Variants in PLEKHA6 observed in about 807,000 individuals in gnomAD.
The protein encoded by PLEKHA6 is pleckstrin homology domain containing A6, also known as pleckstrin homology domain-containing family A member 6.
PLEKHA6 carries 60 observed loss-of-function variants against 116.7 expected under a neutral mutation model. That is an observed-to-expected ratio of 0.51 (90% CI 0.42 to 0.64). The LOEUF (loss-of-function observed/expected upper bound fraction) is 0.64, where lower values mean the gene tolerates loss of function less well. Ranked by LOEUF, PLEKHA6 falls within the 30% of genes least tolerant of loss-of-function variation. PLEKHA6 has a pLI of 0.00. For missense variants in PLEKHA6, 1,338 were observed against 1,422.7 expected (o/e 0.94, Z 0.96); for synonymous variants, 489 against 556.1 (o/e 0.88, Z 1.70).
intron 3 of PLEKHA6, 22 bp downstream of exon 3, chr1:204,273,604 T>C (rs951207066): frequency 3.9e-6 from 6 of 1,530,436 alleles, no homozygotes; most frequent in Non-Finnish European, 5.4e-6. Context: ...GCCCAACAGC[T>C]TGCCTTGAGG....
intron 1 of PLEKHA6, among the ~76,000 whole-genome samples, chr1:204,335,298 A>T (rs921584743): frequency 6.6e-6 from 1 of 151,884 alleles, no homozygotes; most frequent in African/African-American, 2.4e-5. Flanking sequence ...GCAGCTGGGC[A>T]GGGGGGTGTT....
At chr1:204,246,137 C>T (rs1663636006) in intron 13 of PLEKHA6, among the ~76,000 whole-genome samples, 1 of 152,200 alleles carries the variant, frequency 6.6e-6, no homozygotes, top group Non-Finnish European at 1.5e-5. Flanking sequence ...TACCCACTCC[C>T]AGCGTACGCC....
intron 1 of PLEKHA6, among the ~76,000 whole-genome samples, chr1:204,343,907 A>G (rs963489092): frequency 6.6e-6 from 1 of 152,214 alleles, no homozygotes; most frequent in Non-Finnish European, 1.5e-5. Flanking sequence ...CCAGGAGCAC[A>G]GCGTCTATAA....
intron 3 of PLEKHA6, among the ~76,000 whole-genome samples, chr1:204,271,941 C>T (rs1001138823): frequency 2.6e-5 from 4 of 152,106 alleles, no homozygotes; most frequent in East Asian, 1.9e-4. Context: ...AGTACATGTG[C>T]ACAACGTGCA....
chr1:204,268,438 G>A, intron 3 of PLEKHA6, 126 bp from the exon 4 acceptor site: 1 of 467,322 alleles, frequency 2.1e-6, no homozygotes, highest in Non-Finnish European at 3.7e-6. Flanking sequence ...TCACACCAAG[G>A]GGCCCAGGTG....
intron 1 of PLEKHA6, chr1:204,309,703 T>C (rs1296212445): frequency 1.1e-5 from 10 of 913,092 alleles, no homozygotes; most frequent in African/African-American, 1.1e-4. Context: ...GTACAAGATA[T>C]GGTAAATGAA....
intron 1 of PLEKHA6, among the ~76,000 whole-genome samples, chr1:204,292,400 C>G (rs1443518355): frequency 6.6e-6 from 1 of 152,218 alleles, no homozygotes; most frequent in Non-Finnish European, 1.5e-5. Context: ...CTGTTAACCT[C>G]AGTCCGAAGC....
intron 1 of PLEKHA6, among the ~76,000 whole-genome samples, chr1:204,284,732 C>T (rs1439486486): frequency 1.3e-5 from 2 of 151,856 alleles, no homozygotes. Context: ...TGTGGATTGT[C>T]CTTAAGGAAA....
chr1:204,343,120 C>T (rs902840600), intron 1 of PLEKHA6, among the ~76,000 whole-genome samples: 2 of 152,104 alleles, frequency 1.3e-5, no homozygotes, highest in Non-Finnish European at 2.9e-5. Context: ...GGGAAAATAA[C>T]CTGAGGGCTT....
chr1:204,261,906 C>G lies in PLEKHA6; in HGVS notation c.382-458G>C. 4.8e-6 allele frequency: 1 copy of G among 207,042 alleles called. No homozygotes were observed. Among genetic ancestry groups the G allele is most frequent in the Non-Finnish European group, 9.6e-6 (1 of 103,708 alleles). 12.8% of individuals were successfully genotyped at this position (207,042 alleles called of 1,614,324 possible). A position where few individuals can be genotyped will look rare whatever the true frequency, so the allele number is the denominator to read the frequency against. ...TCTTCCACGTGGAGAGACAGCCAAG[C>G]CCCTCTCTGCAGGCATGCAAAGCAG... On this transcript the variant is annotated intron_variant, in intron 6 of 22. Coordinates refer to ENST00000272203, the MANE Select transcript of PLEKHA6 (RefSeq NM_014935.5). The surrounding 1 kb of genome is among the most constrained non-coding windows in gnomAD (Gnocchi z 4.0).
chr1:204,227,004 C>G (rs1660453958), intron 21 of PLEKHA6, among the ~76,000 whole-genome samples: 1 of 152,184 alleles, frequency 6.6e-6, no homozygotes, highest in African/African-American at 2.4e-5. Context: ...CCTCATACCA[C>G]CAGCACTGGA....
chr1:204,259,860 G>C lies in PLEKHA6; in HGVS notation c.525-120C>G. ...ATGGGCAGGGAGGTGGCTGGAACCA[G>C]GATTCTATGAACTCCAGTTCTGCTT... On this transcript the variant is annotated intron_variant, in intron 7 of 22. Coordinates refer to ENST00000272203, the MANE Select transcript of PLEKHA6 (RefSeq NM_014935.5). The surrounding 1 kb of genome is among the most constrained non-coding windows in gnomAD (Gnocchi z 4.6). 1 of 1,057,246 alleles carries C rather than the reference G, an allele frequency of 9.5e-7. No individual in the cohort carries two copies. Among genetic ancestry groups the C allele is most frequent in the Non-Finnish European group, 1.3e-6 (1 of 747,840 alleles). The allele number at this position is 1,057,246 out of a possible 1,614,324, so 65.5% of individuals were successfully genotyped here.
chr1:204,241,908 T>C (rs566497581), intron 15 of PLEKHA6, 94 bp from the exon 16 acceptor site: 49 of 1,365,950 alleles, frequency 3.6e-5, no homozygotes, highest in Non-Finnish European at 5.1e-5. Flanking sequence ...TGGTTGAAGC[T>C]CAAACCCTTG....
intron 1 of PLEKHA6, among the ~76,000 whole-genome samples, chr1:204,303,723 G>A (rs1041391072): frequency 3.3e-5 from 5 of 152,064 alleles, no homozygotes; most frequent in Admixed American, 6.5e-5. Flanking sequence ...GGGTACGGGG[G>A]TGGTGGTGAG....
At position 204,314,531 on chromosome 1, in the gene PLEKHA6, T is replaced by G. The variant is rs115107267; in HGVS notation, c.-94-39722A>C. Among the ~76,000 whole-genome samples, 1,191 of 152,252 alleles carry G rather than the reference T, an allele frequency of 7.8e-3. 12 individuals are homozygous for G. The highest frequency in any genetic ancestry group is 0.026 in the African/African-American group (1,062 of 41,542). On this transcript the variant is annotated intron_variant, in intron 1 of 22. Transcript: ENST00000272203. ...ACCACTCCCCCTGGCCTGGGGATGG[T>G]CTAACCAAGGAGACTGGAGGGGAAT...
intron 12 of PLEKHA6, among the ~76,000 whole-genome samples, chr1:204,247,764 C>T (rs1051475147): frequency 6.6e-6 from 1 of 152,122 alleles, no homozygotes; most frequent in Non-Finnish European, 1.5e-5. Context: ...AGGGCATAGC[C>T]TGGGGAAAAT....
chr1:204,349,433 T>C (rs1673198231), intron 1 of PLEKHA6, among the ~76,000 whole-genome samples: 1 of 148,750 alleles, frequency 6.7e-6, no homozygotes. Flanking sequence ...CCCAGCTACT[T>C]GGGAGGCTGA....
intron 1 of PLEKHA6, among the ~76,000 whole-genome samples, chr1:204,308,687 C>CTTTCTTTTTTTTTTTTTTTTTT (rs775770952): frequency 1.2e-5 from 1 of 81,404 alleles, no homozygotes; most frequent in African/African-American, 5.4e-5. Flanking sequence ...TTTTCTTTTT[C>CTTTCTTTTTTTTTTTTTTTTTT]TTTTTTTTTT....
At chr1:204,376,793 A>G (rs1673878085) in intron 1 of PLEKHA6, among the ~76,000 whole-genome samples, 1 of 152,176 alleles carries the variant, frequency 6.6e-6, no homozygotes, top group Non-Finnish European at 1.5e-5. Flanking sequence ...GAGGAAGGAA[A>G]AGCTCGTCAA....
Sources: gnomAD v4.1 joint callset for allele counts (sites outside exome capture counted in the v4.1 genomes callset) on GRCh38, gnomAD v4.1.1 for gene constraint, Gnocchi (gnomAD v3.1) non-coding constraint, MANE v1.5 for transcripts, NCBI Gene and HGNC (gene_info 2026-07-23, HGNC 2026-07-21) for gene names.